Variants in KPNA4 observed in about 807,000 individuals in gnomAD.
KPNA4 encodes karyopherin subunit alpha 4.
A neutral mutation model predicts 71.3 loss-of-function variants in KPNA4; 13 were observed. That is an observed-to-expected ratio of 0.18 (90% CI 0.12 to 0.29). KPNA4 has a LOEUF of 0.29. Among genes scored for constraint, KPNA4 ranks in the 10% least tolerant of loss-of-function variants. KPNA4 has a pLI of 1.00. For missense variants in KPNA4, 334 were observed against 603.2 expected, an observed-to-expected ratio of 0.55 and a Z score of 4.67; for synonymous variants, 189 against 195.2, an observed-to-expected ratio of 0.97 and a Z score of 0.26.
intron 10 of KPNA4, among the ~76,000 whole-genome samples, chr3:160,524,007 ATAACTG>A (rs975606583): frequency 1.6e-4 from 24 of 152,240 alleles, no homozygotes; most frequent in Non-Finnish European, 3.2e-4. Flanking sequence ...TTACTTGCTC[ATAACTG>A]TATATAAAAG....
At chr3:160,524,250 T>A (rs1392353692) in intron 10 of KPNA4, among the ~76,000 whole-genome samples, 1 of 152,246 alleles carries the variant, frequency 6.6e-6, no homozygotes, top group East Asian at 1.9e-4. Context: ...GAACACAATC[T>A]ATCTCTAAAT....
intron 1 of KPNA4, among the ~76,000 whole-genome samples, chr3:160,547,810 AG>A (rs1721954272): frequency 6.6e-6 from 1 of 152,192 alleles, no homozygotes; most frequent in Admixed American, 6.5e-5. Context: ...TTGGAAGTAT[AG>A]AGTATACAGT....
intron 1 of KPNA4, among the ~76,000 whole-genome samples, chr3:160,554,321 T>G: frequency 6.6e-6 from 1 of 152,198 alleles, no homozygotes; most frequent in East Asian, 1.9e-4. Context: ...CCAGATGACT[T>G]TCAACATCAC....
intron 1 of KPNA4, among the ~76,000 whole-genome samples, chr3:160,540,161 G>A (rs762404497): frequency 1.3e-5 from 2 of 151,540 alleles, no homozygotes; most frequent in Admixed American, 1.3e-4. Context: ...CACCACGCCC[G>A]GCTAAGTTTT....
Position 160,498,648 on chromosome 3 carries a change from C to T in KPNA4, c.*3456G>A, listed in dbSNP as rs1364864421. On this transcript the variant is annotated 3_prime_UTR_variant, in exon 17 of 17. Transcript: ENST00000334256. Reference sequence around the variant, plus strand: ...GGCCTTCCCTGAGATCAGAGATTCTCTTGCTGGCCTTGAAGAAGTTCCCAT... The same window carrying T: ...GGCCTTCCCTGAGATCAGAGATTCTTTTGCTGGCCTTGAAGAAGTTCCCAT... 6.6e-6 allele frequency: 1 copy of T among 152,198 alleles called. No individual in the cohort carries two copies. Among genetic ancestry groups the T allele is most frequent in the East Asian group, 1.9e-4 (1 of 5,200 alleles). 9.4% of individuals were successfully genotyped at this position (152,198 alleles called of 1,614,324 possible).
At chr3:160,545,095 T>A (rs1721878744) in intron 1 of KPNA4, among the ~76,000 whole-genome samples, 1 of 152,224 alleles carries the variant, frequency 6.6e-6, no homozygotes, top group Non-Finnish European at 1.5e-5. Flanking sequence ...TTTTTCATTC[T>A]AGGTCTACTT....
chr3:160,515,075 G>A (rs758377127), intron 12 of KPNA4: 2 of 519,206 alleles, frequency 3.9e-6, no homozygotes, highest in African/African-American at 1.9e-5. Flanking sequence ...TCACCAGTCA[G>A]TGCCCCCTTT....
At chr3:160,543,925 T>C (rs1290556370) in intron 1 of KPNA4, among the ~76,000 whole-genome samples, 1 of 152,088 alleles carries the variant, frequency 6.6e-6, no homozygotes, top group East Asian at 1.9e-4. Context: ...TGGCGCGATC[T>C]CAGCTCACTG....
intron 1 of KPNA4, among the ~76,000 whole-genome samples, chr3:160,556,606 T>G (rs2108561445): frequency 6.6e-6 from 1 of 152,330 alleles, no homozygotes; most frequent in South Asian, 2.1e-4. Context: ...TGCATAATAC[T>G]TAGAGACTGA....
At position 160,499,610 on chromosome 3, in the gene KPNA4, T is replaced by C. The variant is rs1720837896; in HGVS notation, c.*2494A>G. 6.6e-6 allele frequency: 1 copy of C among 152,254 alleles called. No individual in the cohort carries two copies. Among genetic ancestry groups the C allele is most frequent in the East Asian group, 1.9e-4 (1 of 5,188 alleles). 9.4% of individuals were successfully genotyped at this position (152,254 alleles called of 1,614,324 possible). ...AAAATCAATGTTCTATATTAGGCTATAGATGGAAATAAAATATTTAAACGA... is the reference window on the plus strand; with the variant it reads ...AAAATCAATGTTCTATATTAGGCTACAGATGGAAATAAAATATTTAAACGA... On this transcript the variant is annotated 3_prime_UTR_variant, in exon 17 of 17. Transcript: ENST00000334256.
chr3:160,555,669 T>G (rs1722122405), intron 1 of KPNA4, among the ~76,000 whole-genome samples: 2 of 152,198 alleles, frequency 1.3e-5, no homozygotes, highest in Admixed American at 6.5e-5. Context: ...CTGATCACAG[T>G]TGACTGCAGG....
At position 160,531,450 on chromosome 3, in the gene KPNA4, T is replaced by A; in HGVS notation, c.383+12A>T. 1.5e-6 allele frequency: 2 copies of A among 1,317,524 alleles called. No individual in the cohort carries two copies. The highest frequency in any genetic ancestry group is 1.0e-6 in the Non-Finnish European group (1 of 961,520). 81.6% of individuals were successfully genotyped at this position (1,317,524 alleles called of 1,614,324 possible). A position where few individuals can be genotyped will look rare whatever the true frequency, so the allele number is the denominator to read the frequency against. ...TCTAAATTAAAAAAAAAAAAATAAA[T>A]AATGTACTCACTTGTCATCTCTTTC... On this transcript the variant is annotated intron_variant, in intron 6 of 16. Coordinates refer to ENST00000334256, the MANE Select transcript of KPNA4 (RefSeq NM_002268.5).
intron 1 of KPNA4, among the ~76,000 whole-genome samples, chr3:160,556,157 T>C (rs535569281): frequency 6.6e-6 from 1 of 152,230 alleles, no homozygotes; most frequent in Non-Finnish European, 1.5e-5. Context: ...CTTTTGGCTG[T>C]TATGGATAAT....
At chr3:160,510,339 T>C (rs75054174) in intron 13 of KPNA4, among the ~76,000 whole-genome samples, 2 of 132,156 alleles carry the variant, frequency 1.5e-5, no homozygotes, top group African/African-American at 5.0e-5. Flanking sequence ...AAAAAATTCA[T>C]ATACATAAAC....
At chr3:160,518,527 GT>G (rs1206751050) in intron 11 of KPNA4, among the ~76,000 whole-genome samples, 4 of 151,004 alleles carry the variant, frequency 2.6e-5, no homozygotes, top group African/African-American at 9.7e-5. Context: ...TGTTGAAAAG[GT>G]TATTCTTTCC....
intron 7 of KPNA4, among the ~76,000 whole-genome samples, chr3:160,530,090 G>A (rs956915228): frequency 1.5e-5 from 2 of 134,586 alleles, no homozygotes; most frequent in Non-Finnish European, 3.0e-5. Flanking sequence ...AGCCGAGATC[G>A]CATCACTGCA....
At chr3:160,538,248 A>G (rs1191666888) in intron 1 of KPNA4, among the ~76,000 whole-genome samples, 1 of 151,942 alleles carries the variant, frequency 6.6e-6, no homozygotes, top group Non-Finnish European at 1.5e-5. Context: ...AGCTGTAAAT[A>G]TAAAAAAATG....
intron 1 of KPNA4, among the ~76,000 whole-genome samples, chr3:160,563,597 C>A (rs975831503): frequency 2.0e-5 from 3 of 152,172 alleles, no homozygotes; most frequent in Non-Finnish European, 4.4e-5. Context: ...ATCTGTCAAG[C>A]ACCTAATTGC....
chr3:160,561,128 C>A (rs1220989039), intron 1 of KPNA4, among the ~76,000 whole-genome samples: 1 of 151,880 alleles, frequency 6.6e-6, no homozygotes, highest in Non-Finnish European at 1.5e-5. Flanking sequence ...AATTATGTAG[C>A]ATTTTAATAT....
Sources: gnomAD v4.1 joint callset for allele counts (sites outside exome capture counted in the v4.1 genomes callset) on GRCh38, gnomAD v4.1.1 for gene constraint, MANE v1.5 for transcripts, NCBI Gene and HGNC (gene_info 2026-07-23, HGNC 2026-07-21) for gene names.